DSG1: variants seen among roughly 807,000 people sequenced by gnomAD.
DSG1 encodes the protein desmoglein-1.
In DSG1, 39 loss-of-function variants were observed where a neutral mutation model predicts 97.5. That is an observed-to-expected ratio of 0.40 (90% CI 0.31 to 0.52). The LOEUF is 0.52. Among genes scored for constraint, DSG1 ranks in the 20% least tolerant of loss-of-function variants. The probability of loss-of-function intolerance (pLI) is 0.53; values close to 1 mark genes in which losing one functional copy is unlikely to be tolerated. For synonymous variants in DSG1, 475 were observed against 443.4 expected, an observed-to-expected ratio of 1.07 and a Z score of -0.90; for missense variants, 1,311 against 1,295.4, an observed-to-expected ratio of 1.01 and a Z score of -0.18.
At chr18:31,318,407 T>C (rs1454147699) in intron 1 of DSG1, 59 bp downstream of exon 1, 5 of 1,432,594 alleles carry the variant, frequency 3.5e-6, no homozygotes, top group Non-Finnish European at 4.9e-6. Flanking sequence ...AAGTGAAAAC[T>C]TTTTAGAAAA....
At position 31,355,058 on chromosome 18, in the gene DSG1, G is replaced by A. The variant is rs1488056467; in HGVS notation, c.2862G>A (p.Arg954=). Residue 954 remains arginine, a synonymous_variant, in exon 15 of 15, where the codon AGG becomes AGA. Coordinates refer to ENST00000257192, the MANE Select transcript of DSG1 (RefSeq NM_001942.4). ...ANAHNVIVTE[R]VVSGAGVTGI... is the part of the protein sequence containing the mutation. ...CCCACAATGTCATTGTGACAGAGAG[G>A]GTTGTTTCTGGTGCTGGCGTAACTG... 1.2e-6 allele frequency: 2 copies of A among 1,614,184 alleles called. No homozygotes were observed. The highest frequency in any genetic ancestry group is 1.7e-6 in the Non-Finnish European group (2 of 1,180,026).
rs769691543 is a variant in DSG1 at position 31,336,569 on chromosome 18, T to C, written c.1221T>C (p.Phe407=). 2 of 1,614,060 alleles carry C rather than the reference T, an allele frequency of 1.2e-6. No individual in the cohort carries two copies. The highest frequency in any genetic ancestry group is 1.7e-6 in the Non-Finnish European group (2 of 1,179,952). ...NMGSNDKVGD[F]VATDLDTGRP... Reference sequence around the variant, plus strand: ...GATCAAATGATAAAGTGGGAGACTTTGTAGCTACTGACCTGGACACAGGTA... The same window carrying C: ...GATCAAATGATAAAGTGGGAGACTTCGTAGCTACTGACCTGGACACAGGTA... The change falls in exon 9 of 15, where the codon TTT becomes TTC. Residue 407 remains phenylalanine (F), a synonymous_variant. Transcript: ENST00000257192.
At position 31,338,396 on chromosome 18, in the gene DSG1, C is replaced by G; in HGVS notation, c.1347C>G (p.Thr449=). The part of the protein sequence containing the change: ...TGKLTLKNKV[T]KEQYNMLGGK... ...AACTCACTTTGAAAAATAAAGTTAC[C>G]AAGGAACAGTACAATATGCTCGGAG... Residue 449 remains threonine, a synonymous_variant, in exon 10 of 15, where the codon ACC becomes ACG. Coordinates refer to ENST00000257192, the MANE Select transcript of DSG1 (RefSeq NM_001942.4). 1 of 1,613,616 alleles carries G rather than the reference C, an allele frequency of 6.2e-7. No homozygotes were observed. Among genetic ancestry groups the G allele is most frequent in the Non-Finnish European group, 8.5e-7 (1 of 1,179,726 alleles).
intron 14 of DSG1, among the ~76,000 whole-genome samples, chr18:31,347,258 A>C (rs2071847216): frequency 6.6e-6 from 1 of 152,228 alleles, no homozygotes; most frequent in Non-Finnish European, 1.5e-5. Flanking sequence ...TATATACAAC[A>C]AAATATTTTG....
At chr18:31,334,921 A>G (rs891717315) in intron 8 of DSG1, among the ~76,000 whole-genome samples, 1 of 152,228 alleles carries the variant, frequency 6.6e-6, no homozygotes, top group Non-Finnish European at 1.5e-5. Context: ...CACAACTTAC[A>G]CAGTCGATTT....
rs778940314 is a variant in DSG1, at chr18:31,346,097, G to A, written c.1999G>A (p.Glu667Lys). Reference sequence around the variant, plus strand: ...GGGAGTTAAAACTTCAGGAATGCCTGAGATATGTCAAGAATACTCTGGAAC... The same window carrying A: ...GGGAGTTAAAACTTCAGGAATGCCTAAGATATGTCAAGAATACTCTGGAAC... Reference protein sequence around the residue: ...TEGVKTSGMPEICQEYSGTLR... With the variant: ...TEGVKTSGMPKICQEYSGTLR... The change falls in exon 14 of 15, where the codon GAG (glutamate) becomes AAG (lysine). Residue 667 changes from glutamate (E) to lysine (K), a missense_variant. Physicochemically the swap from Glu to Lys is moderately conservative, Grantham distance 56. Coordinates refer to ENST00000257192, the MANE Select transcript of DSG1 (RefSeq NM_001942.4). The A allele has an allele frequency of 3.0e-5, 49 of 1,613,676 alleles. No individual in the cohort carries two copies. Among genetic ancestry groups the A allele is most frequent in the Non-Finnish European group, 4.1e-5 (48 of 1,179,698 alleles).
chr18:31,336,236 G>C, intron 8 of DSG1, 118 bp from the exon 9 acceptor site: 1 of 823,420 alleles, frequency 1.2e-6, no homozygotes, highest in Non-Finnish European at 1.9e-6. Context: ...GTATTTGTGT[G>C]CATTTGTGTT....
chr18:31,332,107 C>T (rs962277612), intron 6 of DSG1, among the ~76,000 whole-genome samples: 4 of 151,876 alleles, frequency 2.6e-5, no homozygotes, highest in Non-Finnish European at 5.9e-5. Context: ...TTTAAGAAAA[C>T]TATATTGTGA....
intron 4 of DSG1, 104 bp from the exon 5 acceptor site, chr18:31,329,788 A>C: frequency 7.2e-7 from 1 of 1,396,624 alleles, no homozygotes; most frequent in South Asian, 1.2e-5. Context: ...TTCTAAGTAG[A>C]CATAATAATT....
intron 6 of DSG1, among the ~76,000 whole-genome samples, chr18:31,332,297 T>C (rs1351151876): frequency 6.6e-6 from 1 of 152,122 alleles, no homozygotes; most frequent in African/African-American, 2.4e-5. Flanking sequence ...CACTAAGTTC[T>C]CTTTCTTTAA....
At chr18:31,349,200 C>G (rs1374583048) in intron 14 of DSG1, among the ~76,000 whole-genome samples, 1 of 138,498 alleles carries the variant, frequency 7.2e-6, no homozygotes, top group Non-Finnish European at 1.5e-5. Context: ...CCAGTTTTCC[C>G]AGCACCATTT....
intron 14 of DSG1, among the ~76,000 whole-genome samples, chr18:31,348,598 G>A (rs984119167): frequency 3.3e-5 from 5 of 151,486 alleles, no homozygotes; most frequent in Admixed American, 6.6e-5. Flanking sequence ...GTGTAAAAGT[G>A]TTCCTATTTC....
At chr18:31,327,217 T>C (rs888810396) in intron 3 of DSG1, among the ~76,000 whole-genome samples, 10 of 152,082 alleles carry the variant, frequency 6.6e-5, no homozygotes, top group African/African-American at 1.9e-4. Flanking sequence ...ACTCACCTCA[T>C]TGGTGAAATG....
At chr18:31,330,659 A>G (rs1243423347) in intron 5 of DSG1, among the ~76,000 whole-genome samples, 2 of 152,160 alleles carry the variant, frequency 1.3e-5, no homozygotes, top group African/African-American at 4.8e-5. Flanking sequence ...ACCATTCTTC[A>G]GAGGTATGCA....
At chr18:31,328,625 C>T (rs2071701659) in intron 4 of DSG1, among the ~76,000 whole-genome samples, 1 of 151,960 alleles carries the variant, frequency 6.6e-6, no homozygotes, top group Admixed American at 6.6e-5. Context: ...TTAATTTTTC[C>T]TTTTTTAAAA....
rs753803262 is a variant in DSG1, at chr18:31,346,227, G to C, written c.2100+29G>C. 2.6e-6 allele frequency: 4 copies of C among 1,567,112 alleles called. No homozygotes were observed. In the South Asian group the frequency reaches 3.3e-5, roughly 13 times the overall value. ...AGGTCCCTAGCCACATGCCTTTCTC[G>C]CCATCCATGTGCCTGCTGCTCTTCA... On this transcript the variant is annotated intron_variant, in intron 14 of 14. Coordinates refer to ENST00000257192, the MANE Select transcript of DSG1 (RefSeq NM_001942.4).
intron 14 of DSG1, among the ~76,000 whole-genome samples, chr18:31,353,213 G>T (rs1481741918): frequency 6.7e-6 from 1 of 149,648 alleles, no homozygotes; most frequent in Admixed American, 6.7e-5. Flanking sequence ...CTGCAGGTCT[G>T]TTGGAGTACC....
chr18:31,352,027 T>G (rs1334469788), intron 14 of DSG1, among the ~76,000 whole-genome samples: 40 of 151,910 alleles, frequency 2.6e-4, no homozygotes, highest in Admixed American at 2.0e-3. Flanking sequence ...GTTAGCTGGT[T>G]ATTTTGCTCG....
Position 31,354,675 on chromosome 18 carries a change from C to T in DSG1, c.2479C>T (p.Leu827Phe), listed in dbSNP as rs200074610. 1 of 1,614,150 alleles carries T rather than the reference C, an allele frequency of 6.2e-7. No homozygotes were observed. Among genetic ancestry groups the T allele is most frequent in the African/African-American group, 1.3e-5 (1 of 75,038 alleles). The part of the protein sequence containing the change: ...GPGVLHPKPI[L>F]DPLGYGNVTV... ...TGGTGTACTGCATCCTAAGCCTATT[C>T]TCGATCCTCTGGGCTATGGTAATGT... is the stretch of plus-strand genomic sequence containing the variant. Residue 827 changes from leucine (L) to phenylalanine (F), a missense_variant, in exon 15 of 15, where the codon CTC becomes TTC. Transcript: ENST00000257192.
Sources: allele counts gnomAD v4.1 joint callset (sites outside exome capture counted in the v4.1 genomes callset), GRCh38; gene constraint gnomAD v4.1.1; transcripts MANE v1.5; gene names NCBI Gene and HGNC (gene_info 2026-07-23, HGNC 2026-07-21).